AUTS2: variants seen among roughly 807,000 people sequenced by gnomAD.
AUTS2 encodes the protein autism susceptibility gene 2 protein.
In AUTS2, 17 loss-of-function variants were observed where a neutral mutation model predicts 112.4. The ratio of observed to expected loss-of-function variants is 0.15; its 90% CI spans 0.10 to 0.23. AUTS2 has a LOEUF of 0.23. Among genes scored for constraint, AUTS2 ranks in the 10% least tolerant of loss-of-function variants. AUTS2 has a pLI of 1.00. For missense variants in AUTS2, 1,510 were observed against 1,701.6 expected (o/e 0.89, Z 1.98); for synonymous variants, 751 against 702.7 (o/e 1.07, Z -1.09).
intron 4 of AUTS2, among the ~76,000 whole-genome samples, chr7:70,318,058 T>C (rs939436342): frequency 1.2e-4 from 18 of 152,160 alleles, no homozygotes; most frequent in African/African-American, 4.1e-4. Context: ...CTGCGGCGTT[T>C]TTAAAGCTTT....
At chr7:70,371,715 TTATC>T (rs1480348211) in intron 4 of AUTS2, among the ~76,000 whole-genome samples, 11 of 152,204 alleles carry the variant, frequency 7.2e-5, no homozygotes, top group Non-Finnish European at 1.6e-4. Context: ...ATTGATTAGT[TTATC>T]TATTATAAGA....
intron 5 of AUTS2, among the ~76,000 whole-genome samples, chr7:70,526,722 C>G (rs1050063503): frequency 6.6e-6 from 1 of 152,190 alleles, no homozygotes; most frequent in African/African-American, 2.4e-5. Context: ...CCGTCCAACT[C>G]CCTCTGCCCC....
intron 15 of AUTS2, chr7:70,782,172 G>T: frequency 6.2e-6 from 1 of 161,756 alleles, no homozygotes; most frequent in Non-Finnish European, 1.3e-5. Context: ...GCACCGGGAT[G>T]CTCAGTCATG....
At chr7:70,576,587 T>G (rs1585322246) in intron 5 of AUTS2, among the ~76,000 whole-genome samples, 1 of 152,198 alleles carries the variant, frequency 6.6e-6, no homozygotes, top group African/African-American at 2.4e-5. Context: ...CAACCGAGAA[T>G]CAACATCTTC....
intron 4 of AUTS2, among the ~76,000 whole-genome samples, chr7:70,215,062 AT>A (rs929645862): frequency 6.6e-6 from 1 of 152,196 alleles, no homozygotes; most frequent in African/African-American, 2.4e-5. Flanking sequence ...AGATGGACTG[AT>A]CCCTTGAGGC....
chr7:69,907,297 T>C (rs1246117442), intron 2 of AUTS2, among the ~76,000 whole-genome samples: 1 of 152,204 alleles, frequency 6.6e-6, no homozygotes, highest in African/African-American at 2.4e-5. Context: ...TAGGACTTCA[T>C]CCTCCTTTCT....
At chr7:70,403,435 T>A (rs999993126) in intron 4 of AUTS2, among the ~76,000 whole-genome samples, 3 of 152,252 alleles carry the variant, frequency 2.0e-5, no homozygotes, top group African/African-American at 7.2e-5. Flanking sequence ...CTCCTGGCAC[T>A]GCATGTTGAA....
chr7:69,928,155 T>C (rs1796094795), intron 2 of AUTS2, among the ~76,000 whole-genome samples: 1 of 152,142 alleles, frequency 6.6e-6, no homozygotes, highest in Non-Finnish European at 1.5e-5. Context: ...GTAGTCCCAG[T>C]GAGTCCCTGA....
At chr7:70,230,031 T>TTTGAAG (rs1223151538) in intron 4 of AUTS2, among the ~76,000 whole-genome samples, 1 of 152,206 alleles carries the variant, frequency 6.6e-6, no homozygotes, top group Non-Finnish European at 1.5e-5. Flanking sequence ...TAACAGCTGA[T>TTTGAAG]TTGAAGTCTT....
intron 17 of AUTS2, among the ~76,000 whole-genome samples, chr7:70,786,644 T>C (rs1340528129): frequency 3.9e-5 from 6 of 152,320 alleles, no homozygotes; most frequent in African/African-American, 1.2e-4. Flanking sequence ...TTATTTTCTT[T>C]CATGCTACAT....
At chr7:70,427,063 G>A (rs1233966210) in intron 4 of AUTS2, among the ~76,000 whole-genome samples, 9 of 151,922 alleles carry the variant, frequency 5.9e-5, no homozygotes, top group Admixed American at 5.9e-4. Context: ...ATTACAGAGG[G>A]GTCACAAATA....
At chr7:70,699,240 T>A (rs1445284701) in intron 6 of AUTS2, 1 of 152,208 alleles carries the variant, frequency 6.6e-6, no homozygotes, top group Admixed American at 6.5e-5. Flanking sequence ...GCAGTATCGT[T>A]GGAAATAAGG....
At chr7:70,032,875 A>G (rs1800842727) in intron 2 of AUTS2, among the ~76,000 whole-genome samples, 1 of 151,936 alleles carries the variant, frequency 6.6e-6, no homozygotes, top group Admixed American at 6.6e-5. Flanking sequence ...GAACAGATAG[A>G]GGCAGAGTAA....
At chr7:69,829,991 G>A (rs1348841082) in intron 1 of AUTS2, among the ~76,000 whole-genome samples, 1 of 152,148 alleles carries the variant, frequency 6.6e-6, no homozygotes, top group Non-Finnish European at 1.5e-5. Context: ...TAACCCAGAT[G>A]CCCATCAGTG....
At chr7:69,998,451 G>A (rs746621946) in intron 2 of AUTS2, among the ~76,000 whole-genome samples, 8 of 152,144 alleles carry the variant, frequency 5.3e-5, no homozygotes, top group Non-Finnish European at 1.0e-4. Flanking sequence ...TGCAATATGG[G>A]CCCAAAAATT....
At chr7:70,661,657 A>C (rs1585460931) in intron 5 of AUTS2, among the ~76,000 whole-genome samples, 1 of 152,098 alleles carries the variant, frequency 6.6e-6, no homozygotes, top group East Asian at 1.9e-4. Flanking sequence ...CAGTTAGAAC[A>C]AATCTGTAGA....
intron 2 of AUTS2, among the ~76,000 whole-genome samples, chr7:70,091,687 G>T (rs776845883): frequency 2.6e-5 from 4 of 152,166 alleles, no homozygotes; most frequent in Admixed American, 2.0e-4. Flanking sequence ...CTTGGCAGAT[G>T]AAGGATAAGT....
intron 1 of AUTS2, among the ~76,000 whole-genome samples, chr7:69,873,830 A>C (rs571702096): frequency 6.6e-6 from 1 of 152,350 alleles, no homozygotes; most frequent in African/African-American, 2.4e-5. Context: ...TATCCCTGGA[A>C]TAGATACATC....
intron 5 of AUTS2, among the ~76,000 whole-genome samples, chr7:70,586,669 A>C (rs1054223693): frequency 5.3e-5 from 8 of 152,164 alleles, no homozygotes; most frequent in Non-Finnish European, 8.8e-5. Context: ...TAAGGCTTGC[A>C]TCCTAAACTC....
Sources: allele counts gnomAD v4.1 joint callset (sites outside exome capture counted in the v4.1 genomes callset), GRCh38; gene constraint gnomAD v4.1.1; transcripts MANE v1.5; gene names NCBI Gene and HGNC (gene_info 2026-07-23, HGNC 2026-07-21).